GNAS: variants seen among roughly 807,000 people sequenced by gnomAD.
GNAS encodes protein ALEX.
A neutral mutation model predicts 54.5 loss-of-function variants in GNAS; 8 were observed. The observed-to-expected ratio is 0.15, with a 90% confidence interval of 0.09 to 0.26. GNAS has a LOEUF of 0.26. Ranked by LOEUF, GNAS falls within the 10% of genes least tolerant of loss-of-function variation. The pLI is 1.00. For synonymous variants in GNAS, 204 were observed against 191.4 expected, an observed-to-expected ratio of 1.07 and a Z score of -0.54; for missense variants, 170 against 529.8, an observed-to-expected ratio of 0.32 and a Z score of 6.67.
chr20:58,887,542 G>T (rs2088676418), upstream of GNAS, among the ~76,000 whole-genome samples: 2 of 152,168 alleles, frequency 1.3e-5, no homozygotes. Context: ...GCACATTCAG[G>T]TGTATCTGCA....
In GNAS at chr20:58,910,888, A is replaced by C; in HGVS notation, c.*59A>C. 6.6e-7 allele frequency: 1 copy of C among 1,522,300 alleles called. No homozygotes were observed. Among genetic ancestry groups the C allele is most frequent in the Non-Finnish European group, 9.1e-7 (1 of 1,098,992 alleles). 94.3% of individuals were successfully genotyped at this position (1,522,300 alleles called of 1,614,324 possible). A position where few individuals can be genotyped will look rare whatever the true frequency, so the allele number is the denominator to read the frequency against. Reference sequence around the variant, plus strand: ...GCACAATTAATTAAAAGTGAAACGTAATTGTACAAGCAGTTAATCACCCAC... The same window carrying C: ...GCACAATTAATTAAAAGTGAAACGTCATTGTACAAGCAGTTAATCACCCAC... On this transcript the variant is annotated 3_prime_UTR_variant, in exon 13 of 13. Coordinates refer to ENST00000371085, the MANE Select transcript of GNAS (RefSeq NM_000516.7). The surrounding 1 kb of genome is among the most constrained non-coding windows in gnomAD (Gnocchi z 5.8).
intron 1 of GNAS, chr20:58,855,573 C>T (rs967732544): frequency 1.3e-5 from 9 of 717,766 alleles, no homozygotes; most frequent in Non-Finnish European, 1.6e-5. Flanking sequence ...TGGTGCCGAG[C>T]GACACTGAGG....
In GNAS at chr20:58,870,956, CT is replaced by C. The variant is rs141164352; in HGVS notation, c.44-24655del. On this transcript the variant is annotated intron_variant, in intron 1 of 12. Coordinates refer to the GNAS transcript ENST00000306090. ...TGATTTTACTGATCATTATCTCCCC[CT>C]GTTCTTTACTCAGGTGTATGCATAG... 7.5e-3 allele frequency among the ~76,000 whole-genome samples: 1,140 copies of C among 152,320 alleles called. 8 individuals carry two copies. The highest frequency in any genetic ancestry group is 0.017 in the South Asian group (81 of 4,830).
intron 3 of GNAS, chr20:58,903,241 G>C (rs2090791325): frequency 1.9e-6 from 1 of 513,170 alleles, no homozygotes; most frequent in Non-Finnish European, 3.5e-6. Context: ...TAGTGTGGGG[G>C]CTTCAAACCC....
At position 58,841,922 on chromosome 20, in the gene GNAS, A is replaced by G; in HGVS notation, c.43+1036A>G. 1.6e-5 allele frequency: 19 copies of G among 1,212,314 alleles called. No individual in the cohort carries two copies. The highest frequency in any genetic ancestry group is 1.9e-5 in the Non-Finnish European group (18 of 970,244). The allele number at this position is 1,212,314 out of a possible 1,614,324, so 75.1% of individuals were successfully genotyped here. A position where few individuals can be genotyped will look rare whatever the true frequency, so the allele number is the denominator to read the frequency against. ...GCTGGAGACGGGGGTCGCGTCTAAC[A>G]TCAGGATAACTTACAATTCGTTTCC... On this transcript the variant is annotated intron_variant, in intron 1 of 12. Coordinates refer to the GNAS transcript ENST00000306090. The surrounding 1 kb of genome is among the most constrained non-coding windows in gnomAD (Gnocchi z 5.0).
Position 58,854,541 on chromosome 20 carries a change from G to A in GNAS, c.43+13655G>A, listed in dbSNP as rs767104257. 2.9e-5 allele frequency: 46 copies of A among 1,563,424 alleles called. No individual in the cohort carries two copies. The highest frequency in any genetic ancestry group is 5.7e-5 in the South Asian group (5 of 87,552). On this transcript the variant is annotated intron_variant, in intron 1 of 12. Coordinates refer to the GNAS transcript ENST00000306090. ...AGCCGATCCTGACTCCGGGGCATTCGCAGCCGATCCCGACTCCGGGGCAGC... is the reference window on the plus strand; with the variant it reads ...AGCCGATCCTGACTCCGGGGCATTCACAGCCGATCCCGACTCCGGGGCAGC...
chr20:58,881,195 G>C (rs1397257069), intron 1 of GNAS, among the ~76,000 whole-genome samples: 1 of 152,192 alleles, frequency 6.6e-6, no homozygotes, highest in Non-Finnish European at 1.5e-5. Flanking sequence ...GCCTCCCAGA[G>C]GCGTGGGTTA....
At chr20:58,903,315 A>T in intron 3 of GNAS, 1 of 645,068 alleles carries the variant, frequency 1.6e-6, no homozygotes, top group Non-Finnish European at 2.8e-6. Flanking sequence ...GCAATTTGCT[A>T]ATCTGCCCCG....
chr20:58,907,786 A>G (rs234631), intron 6 of GNAS, among the ~76,000 whole-genome samples: 221 of 152,374 alleles, frequency 1.5e-3, no homozygotes, highest in African/African-American at 5.0e-3. Context: ...CCGTGGCTCA[A>G]ACAGCCCTGC....
chr20:58,879,730 A>G (rs1440109999), intron 1 of GNAS, among the ~76,000 whole-genome samples: 1 of 152,180 alleles, frequency 6.6e-6, no homozygotes, highest in African/African-American at 2.4e-5. Context: ...GCAGCAGGCT[A>G]GTCCTTCTAG....
chr20:58,902,541 G>A (rs1193646989), intron 3 of GNAS, among the ~76,000 whole-genome samples: 1 of 151,944 alleles, frequency 6.6e-6, no homozygotes, highest in Non-Finnish European at 1.5e-5. Flanking sequence ...TCAAGGAAAA[G>A]CTACAAAACC....
chr20:58,910,191 A>G lies in GNAS; in HGVS notation c.970+110A>G, dbSNP rs1252514046. The G allele has an allele frequency of 3.0e-6, 4 of 1,345,838 alleles. No homozygotes were observed. In the African/African-American group the frequency reaches 5.7e-5, roughly 19 times the overall value. 83.4% of individuals were successfully genotyped at this position (1,345,838 alleles called of 1,614,324 possible). The stretch of plus-strand genomic sequence containing the variant: ...CACCACCAAACCATAAAGGATCTAT[A>G]AGAGAAGCAAGAAAAACGCACTCCC... On this transcript the variant is annotated intron_variant, in intron 11 of 12. Coordinates refer to ENST00000371085, the MANE Select transcript of GNAS (RefSeq NM_000516.7). This position sits in a 1 kb window ranked among gnomAD's most constrained non-coding sequence, Gnocchi z 5.8.
chr20:58,891,955 G>A (rs1301960752), intron 1 of GNAS, 90 bp downstream of exon 1: 1 of 827,556 alleles, frequency 1.2e-6, no homozygotes, highest in East Asian at 1.3e-4. Flanking sequence ...CCCCCGCCCC[G>A]GGCGCGCGCT....
intron 1 of GNAS, among the ~76,000 whole-genome samples, chr20:58,849,584 C>G (rs911607059): frequency 3.3e-5 from 5 of 152,224 alleles, no homozygotes; most frequent in Non-Finnish European, 7.3e-5. Context: ...TCTGCCATGT[C>G]TAAAACCAAA....
chr20:58,874,416 C>T (rs773338678), intron 1 of GNAS, among the ~76,000 whole-genome samples: 1 of 152,258 alleles, frequency 6.6e-6, no homozygotes, highest in East Asian at 1.9e-4. Flanking sequence ...CCCACCTAAC[C>T]TTAGAAATCT....
chr20:58,859,664 T>C (rs2086678512), intron 1 of GNAS, among the ~76,000 whole-genome samples: 1 of 151,220 alleles, frequency 6.6e-6, no homozygotes, highest in Non-Finnish European at 1.5e-5. Context: ...TCTCGCTCTA[T>C]CGCCCAGGCT....
At chr20:58,903,338 C>T (rs2090799879) in intron 3 of GNAS, 193 bp from the exon 4 acceptor site, 1 of 681,878 alleles carries the variant, frequency 1.5e-6, no homozygotes, top group African/African-American at 1.8e-5. Context: ...TGGGCGTGTC[C>T]TCAGGGCACA....
upstream of GNAS, among the ~76,000 whole-genome samples, chr20:58,890,021 G>A (rs1027553393): frequency 1.3e-5 from 2 of 151,594 alleles, no homozygotes; most frequent in Non-Finnish European, 2.9e-5. Context: ...TCGCGCCGCG[G>A]AAGAGCGGGG....
In GNAS at chr20:58,841,157, C is replaced by T. The variant is rs540948441; in HGVS notation, c.43+271C>T. On this transcript the variant is annotated intron_variant, in intron 1 of 12. Transcript: ENST00000306090. The surrounding 1 kb of genome is among the most constrained non-coding windows in gnomAD (Gnocchi z 5.0). The stretch of plus-strand genomic sequence containing the variant: ...ACAACCTGAGGTCTCCGAGCTGGTG[C>T]CCCGGCTACGCGACTGAATCCCGAA... 1.3e-5 allele frequency among the ~76,000 whole-genome samples: 2 copies of T among 152,206 alleles called. No homozygotes were observed. Among genetic ancestry groups the T allele is most frequent in the East Asian group, 1.9e-4 (1 of 5,136 alleles).
Sources: allele counts gnomAD v4.1 joint callset (sites outside exome capture counted in the v4.1 genomes callset), GRCh38; gene constraint gnomAD v4.1.1; non-coding constraint Gnocchi (gnomAD v3.1); transcripts MANE v1.5; gene names NCBI Gene and HGNC (gene_info 2026-07-23, HGNC 2026-07-21).